The following SREBF2 variants were observed in gnomAD, a reference collection of about 807,000 sequenced individuals.
SREBF2 encodes sterol regulatory element-binding protein 2.
A neutral mutation model predicts 113.1 loss-of-function variants in SREBF2; 55 were observed. That is an observed-to-expected ratio of 0.49 (90% CI 0.39 to 0.61). The LOEUF is 0.61. Among genes scored for constraint, SREBF2 ranks in the 20% least tolerant of loss-of-function variants. SREBF2 has a pLI of 0.00. For synonymous variants in SREBF2, 593 were observed against 605.7 expected, an observed-to-expected ratio of 0.98 and a Z score of 0.31; for missense variants, 1,349 against 1,487.4, an observed-to-expected ratio of 0.91 and a Z score of 1.53.
chr22:41,904,994 G>T lies in SREBF2; in HGVS notation c.3205+20G>T. 1 of 1,567,378 alleles carries T rather than the reference G, an allele frequency of 6.4e-7. No individual in the cohort carries two copies. The highest frequency in any genetic ancestry group is 1.2e-5 in the South Asian group (1 of 86,498). On this transcript the variant is annotated intron_variant, in intron 18 of 18. Transcript: ENST00000361204. The stretch of plus-strand genomic sequence containing the variant: ...AGCACGGTGAGTCCACCCCTCCCCA[G>T]CTCACAGGCTGGGCCAGGCCCTGCG...
At chr22:41,859,971 A>G (rs1160767396) in intron 1 of SREBF2, among the ~76,000 whole-genome samples, 1 of 151,616 alleles carries the variant, frequency 6.6e-6, no homozygotes, top group Admixed American at 6.6e-5. Flanking sequence ...ACGCCCAGCT[A>G]ATTTTTTATA....
intron 17 of SREBF2, among the ~76,000 whole-genome samples, chr22:41,904,181 A>C (rs1031538584): frequency 6.6e-6 from 1 of 152,152 alleles, no homozygotes; most frequent in Non-Finnish European, 1.5e-5. Context: ...CCTGGTCCAA[A>C]GGCCTCCTCT....
Position 41,897,124 on chromosome 22 carries a change from C to T in SREBF2, c.2568C>T (p.Pro856=). The change falls in exon 14 of 19, where the codon CCC becomes CCT. Residue 856 remains proline (P), a synonymous_variant. Transcript: ENST00000361204. ...TGGACTCTGTGGGGGTTATGAGCCC[C>T]CCACTCTCCAGGAGCTCCGTGCTCA... is the stretch of plus-strand genomic sequence containing the variant. The part of the protein sequence containing the change: ...SFVDSVGVMS[P]PLSRSSVLKS... 1 of 1,612,314 alleles carries T rather than the reference C, an allele frequency of 6.2e-7. No homozygotes were observed. Among genetic ancestry groups the T allele is most frequent in the Non-Finnish European group, 8.5e-7 (1 of 1,179,860 alleles).
intron 9 of SREBF2, 143 bp downstream of exon 9, chr22:41,878,266 G>GCCCACTCCACTGCCC: frequency 3.8e-6 from 4 of 1,060,560 alleles, no homozygotes; most frequent in South Asian, 1.3e-5. Flanking sequence ...GGGCAGTGGA[G>GCCCACTCCACTGCCC]TGGGCGCCTC....
Position 41,881,056 on chromosome 22 carries a change from G to T in SREBF2, c.2038+64G>T, listed in dbSNP as rs1382664594. ...CATCTCATGCTACCTCTCCTCCTTA[G>T]CTTGATTTGCCAGTTCTGCACCCTA... On this transcript the variant is annotated intron_variant, in intron 10 of 18. Coordinates refer to ENST00000361204, the MANE Select transcript of SREBF2 (RefSeq NM_004599.4). The T allele has an allele frequency of 3.8e-6, 6 of 1,576,912 alleles. No homozygotes were observed. The African/African-American group carries it at 4.0e-5, about 11-fold the overall frequency.
At chr22:41,902,932 A>G in intron 16 of SREBF2, 38 bp from the exon 17 acceptor site, 1 of 1,588,592 alleles carries the variant, frequency 6.3e-7, no homozygotes, top group South Asian at 1.1e-5. Flanking sequence ...GGGATGGGCC[A>G]GTCACCTGTC....
At position 41,907,005 on chromosome 22, in the gene SREBF2, C is replaced by T. The variant is rs2077514695; in HGVS notation, c.*1345C>T. 8 of 152,226 alleles carry T rather than the reference C, an allele frequency of 5.3e-5. No individual in the cohort carries two copies. The highest frequency in any genetic ancestry group is 5.2e-4 in the Admixed American group (8 of 15,284). 9.4% of individuals were successfully genotyped at this position (152,226 alleles called of 1,614,324 possible). A position where few individuals can be genotyped will look rare whatever the true frequency, so the allele number is the denominator to read the frequency against. ...CAGAGGGTGGGCAGGAGCCCCAGCA[C>T]AGACTGGGGGGTGCTCACAGCAGGG... On this transcript the variant is annotated 3_prime_UTR_variant, in exon 19 of 19. Coordinates refer to ENST00000361204, the MANE Select transcript of SREBF2 (RefSeq NM_004599.4).
chr22:41,889,891 C>A (rs1243583857), intron 11 of SREBF2, among the ~76,000 whole-genome samples: 1 of 152,022 alleles, frequency 6.6e-6, no homozygotes, highest in African/African-American at 2.4e-5. Flanking sequence ...ATCCCAGCTA[C>A]TCGGAAGGCT....
At chr22:41,843,020 A>G (rs902194312) in intron 1 of SREBF2, among the ~76,000 whole-genome samples, 3 of 152,088 alleles carry the variant, frequency 2.0e-5, no homozygotes, top group African/African-American at 7.2e-5. Context: ...TAATGGAGCT[A>G]TTGCCATACC....
At position 41,891,917 on chromosome 22, in the gene SREBF2, T is replaced by C. The variant is rs981870140; in HGVS notation, c.2209-1200T>C. On this transcript the variant is annotated intron_variant, in intron 11 of 18. Transcript: ENST00000361204. ...GAACTGAAAACGTGGTAGATGGTAT[T>C]GTCCCTGCAGTTCTTGTCAGTGGGG... Among the ~76,000 whole-genome samples the C allele has an allele frequency of 2.6e-5, 4 of 152,218 alleles. 1 individual carries two copies. The South Asian group carries it at 6.2e-4, about 24-fold the overall frequency.
chr22:41,875,325 C>T lies in SREBF2; in HGVS notation c.1090-12C>T. The T allele has an allele frequency of 6.2e-7, 1 of 1,611,702 alleles. No homozygotes were observed. Among genetic ancestry groups the T allele is most frequent in the Non-Finnish European group, 8.5e-7 (1 of 1,177,930 alleles). Reference sequence around the variant, plus strand: ...CTGGTCTCACTGTGTTTTCACTCATCTTCCTACCCAGATGCACAAGTCTGG... The same window carrying T: ...CTGGTCTCACTGTGTTTTCACTCATTTTCCTACCCAGATGCACAAGTCTGG... On this transcript the variant is annotated splice_polypyrimidine_tract_variant and intron_variant, in intron 5 of 18. Coordinates refer to ENST00000361204, the MANE Select transcript of SREBF2 (RefSeq NM_004599.4).
chr22:41,888,511 C>T (rs990355538), intron 11 of SREBF2, among the ~76,000 whole-genome samples: 15 of 152,186 alleles, frequency 9.9e-5, no homozygotes, highest in African/African-American at 3.6e-4. Context: ...ACCCTAACGG[C>T]TGAGTTTTCT....
At chr22:41,893,466 G>T (rs1224182770) in intron 12 of SREBF2, among the ~76,000 whole-genome samples, 181 bp downstream of exon 12, 2 of 152,152 alleles carry the variant, frequency 1.3e-5, no homozygotes, top group South Asian at 2.1e-4. Context: ...ACTTGCTTAA[G>T]GTCACAAGCC....
rs576233542 is a variant in SREBF2, at chr22:41,835,395, C to T, written c.88+2037C>T. On this transcript the variant is annotated intron_variant, in intron 1 of 18. Transcript: ENST00000361204. ...GCGCGATCTCGGCTCACCGCAACCT[C>T]CACCTCCCGAGTTCAGGCGATTCTC... 3.4e-3 allele frequency among the ~76,000 whole-genome samples: 497 copies of T among 148,174 alleles called. 4 individuals carry two copies. The highest frequency in any genetic ancestry group is 2.9e-3 in the Non-Finnish European group (197 of 67,172).
chr22:41,866,777 T>G (rs998704741), intron 1 of SREBF2, 54 bp from the exon 2 acceptor site: 1 of 1,603,504 alleles, frequency 6.2e-7, no homozygotes, highest in African/African-American at 1.3e-5. Context: ...TAAGCAAGTT[T>G]GAAAGTTCAC....
chr22:41,842,146 G>A (rs1024483869), intron 1 of SREBF2, among the ~76,000 whole-genome samples: 1 of 152,132 alleles, frequency 6.6e-6, no homozygotes, highest in Non-Finnish European at 1.5e-5. Flanking sequence ...TTAAAAGATA[G>A]TACATTCATA....
intron 15 of SREBF2, chr22:41,899,566 A>G: frequency 1.0e-6 from 1 of 992,414 alleles, no homozygotes; most frequent in Non-Finnish European, 1.2e-6. Flanking sequence ...GAGTATACAC[A>G]GGCTTGAAGT....
intron 10 of SREBF2, 110 bp downstream of exon 10, chr22:41,881,102 A>C: frequency 7.1e-7 from 1 of 1,416,450 alleles, no homozygotes; most frequent in South Asian, 1.3e-5. Context: ...CTTTAACGCT[A>C]CTCTTTTAGA....
rs1439916589 is a variant in SREBF2 at position 41,833,578 on chromosome 22, C to CG, written c.88+224dup. ...GGAGGCCGTGGGATCTGGGGCGCCG[C>CG]GGGGCCGAAAGCGGCGCGAGGGTCG... On this transcript the variant is annotated intron_variant, in intron 1 of 18. Transcript: ENST00000361204. This position sits in a 1 kb window ranked among gnomAD's most constrained non-coding sequence, Gnocchi z 4.1. 1 of 430,626 alleles carries CG rather than the reference C, an allele frequency of 2.3e-6. No individual in the cohort carries two copies. The highest frequency in any genetic ancestry group is 2.1e-5 in the African/African-American group (1 of 47,906). 26.7% of individuals were successfully genotyped at this position (430,626 alleles called of 1,614,324 possible). A position where few individuals can be genotyped will look rare whatever the true frequency, so the allele number is the denominator to read the frequency against.
Sources: allele counts gnomAD v4.1 joint callset (sites outside exome capture counted in the v4.1 genomes callset), GRCh38; gene constraint gnomAD v4.1.1; non-coding constraint Gnocchi (gnomAD v3.1); transcripts MANE v1.5; gene names NCBI Gene and HGNC (gene_info 2026-07-23, HGNC 2026-07-21).